The following HS2ST1 variants were observed in gnomAD, a reference collection of about 807,000 sequenced individuals.
The protein encoded by HS2ST1 is 2-O-sulfotransferase.
In HS2ST1, 18 loss-of-function variants were observed where a neutral mutation model predicts 42.9. The observed-to-expected ratio is 0.42, with a 90% CI of 0.29 to 0.62. The LOEUF (loss-of-function observed/expected upper bound fraction) is 0.62. Among genes scored for constraint, HS2ST1 ranks in the 20% least tolerant of loss-of-function variants. The pLI is 0.21. For missense variants in HS2ST1, 334 were observed against 433.8 expected, an observed-to-expected ratio of 0.77 and a Z score of 2.04; for synonymous variants, 146 against 152.9, an observed-to-expected ratio of 0.95 and a Z score of 0.33.
intron 5 of HS2ST1, among the ~76,000 whole-genome samples, chr1:87,103,163 A>G (rs182367689): frequency 6.6e-6 from 1 of 152,358 alleles, no homozygotes. Flanking sequence ...ATATCCATAT[A>G]CATTTTTAAA....
chr1:86,935,692 G>A (rs552469209), intron 1 of HS2ST1, among the ~76,000 whole-genome samples: 52 of 151,962 alleles, frequency 3.4e-4, no homozygotes, highest in African/African-American at 1.2e-3. Flanking sequence ...TCAAACTCCT[G>A]GCCTCAAGTG....
At chr1:87,061,711 T>C (rs1651126144) in intron 1 of HS2ST1, among the ~76,000 whole-genome samples, 1 of 152,124 alleles carries the variant, frequency 6.6e-6, no homozygotes, top group Non-Finnish European at 1.5e-5. Flanking sequence ...CATTTATAAG[T>C]ATTTGAGTAC....
rs1266701410 is a variant in HS2ST1, at chr1:87,015,559, T to C, written c.125-57375T>C. Among the ~76,000 whole-genome samples, 3 of 151,926 alleles carry C rather than the reference T, an allele frequency of 2.0e-5. 1 individual carries two copies. Among genetic ancestry groups the C allele is most frequent in the Admixed American group, 6.6e-5 (1 of 15,246 alleles). On this transcript the variant is annotated intron_variant, in intron 1 of 6. Transcript: ENST00000370550. ...CAGGGTTTCACCGTGTTAGCCAAGA[T>C]CGTCTTGATTTCCTGACCTCGTGAT... is the stretch of plus-strand genomic sequence containing the variant.
intron 1 of HS2ST1, among the ~76,000 whole-genome samples, chr1:87,019,680 C>T (rs1334563415): frequency 1.3e-5 from 2 of 152,126 alleles, no homozygotes; most frequent in African/African-American, 4.8e-5. Context: ...TTTATGATTT[C>T]CATCTGTTCA....
chr1:87,093,182 A>AT (rs886934293), intron 4 of HS2ST1, among the ~76,000 whole-genome samples: 2 of 152,004 alleles, frequency 1.3e-5, no homozygotes, highest in African/African-American at 4.8e-5. Context: ...AATCAAACTG[A>AT]TTTGTCACTT....
chr1:87,056,183 T>C (rs1296637164), intron 1 of HS2ST1, among the ~76,000 whole-genome samples: 8 of 152,176 alleles, frequency 5.3e-5, no homozygotes, highest in Non-Finnish European at 1.2e-4. Context: ...AGGACTACAT[T>C]AGTTACAATG....
chr1:86,944,187 T>C (rs181719281), intron 1 of HS2ST1, among the ~76,000 whole-genome samples: 1 of 152,230 alleles, frequency 6.6e-6, no homozygotes, highest in East Asian at 1.9e-4. Context: ...GTGGAAGTTG[T>C]CCAGGAGAAT....
At chr1:87,047,841 G>T (rs914924990) in intron 1 of HS2ST1, among the ~76,000 whole-genome samples, 1 of 152,098 alleles carries the variant, frequency 6.6e-6, no homozygotes, top group Non-Finnish European at 1.5e-5. Flanking sequence ...ATACTGTCTG[G>T]ATTACTGTAA....
chr1:87,084,446 C>G (rs1240846351), intron 3 of HS2ST1, among the ~76,000 whole-genome samples, 167 bp downstream of exon 3: 1 of 152,090 alleles, frequency 6.6e-6, no homozygotes, highest in African/African-American at 2.4e-5. Flanking sequence ...TTTTACTGCC[C>G]TCTAGTGTTC....
intron 1 of HS2ST1, among the ~76,000 whole-genome samples, chr1:87,057,404 T>C (rs1650997086): frequency 6.6e-6 from 1 of 152,122 alleles, no homozygotes; most frequent in African/African-American, 2.4e-5. Context: ...TGCCCACTTT[T>C]CTGCCTTATG....
chr1:86,967,180 G>A (rs1395417411), intron 1 of HS2ST1, among the ~76,000 whole-genome samples: 1 of 152,146 alleles, frequency 6.6e-6, no homozygotes, highest in Non-Finnish European at 1.5e-5. Context: ...TGGGATTACA[G>A]CCACCATGCC....
At chr1:87,030,201 T>TA (rs564878479) in intron 1 of HS2ST1, among the ~76,000 whole-genome samples, 180 of 152,338 alleles carry the variant, frequency 1.2e-3, no homozygotes, top group African/African-American at 4.3e-3. Flanking sequence ...GAGAAAAAGA[T>TA]ATACAAGTTC....
At chr1:86,989,066 G>A (rs567497482) in intron 1 of HS2ST1, among the ~76,000 whole-genome samples, 37 of 152,236 alleles carry the variant, frequency 2.4e-4, no homozygotes, top group Admixed American at 1.0e-3. Context: ...TTTCTGGTGC[G>A]GAGGCAGACA....
intron 1 of HS2ST1, among the ~76,000 whole-genome samples, chr1:87,070,960 T>A (rs1273426977): frequency 6.6e-6 from 1 of 152,316 alleles, no homozygotes; most frequent in East Asian, 1.9e-4. Context: ...CCCAATTATC[T>A]TATATCTCCT....
chr1:87,061,312 T>G (rs1380507330), intron 1 of HS2ST1, among the ~76,000 whole-genome samples: 1 of 152,106 alleles, frequency 6.6e-6, no homozygotes, highest in African/African-American at 2.4e-5. Flanking sequence ...TTTGGAACAT[T>G]CACAATATTG....
chr1:86,953,292 T>G (rs1044192904), intron 1 of HS2ST1, among the ~76,000 whole-genome samples: 9 of 152,254 alleles, frequency 5.9e-5, no homozygotes, highest in Non-Finnish European at 1.3e-4. Flanking sequence ...CAAGGTCACT[T>G]AAACTTTCTC....
At chr1:87,067,316 T>C (rs1441217610) in intron 1 of HS2ST1, among the ~76,000 whole-genome samples, 1 of 152,276 alleles carries the variant, frequency 6.6e-6, no homozygotes, top group Non-Finnish European at 1.5e-5. Context: ...ATTTCTCTAA[T>C]TACCAGTGAT....
At chr1:87,063,397 C>T (rs1055044770) in intron 1 of HS2ST1, among the ~76,000 whole-genome samples, 3 of 152,110 alleles carry the variant, frequency 2.0e-5, no homozygotes, top group African/African-American at 4.8e-5. Context: ...AGTGCAATGG[C>T]GTGACTTCCG....
chr1:86,979,660 A>G (rs958632287), intron 1 of HS2ST1, among the ~76,000 whole-genome samples: 2 of 152,224 alleles, frequency 1.3e-5, no homozygotes, highest in African/African-American at 2.4e-5. Context: ...TAGTGCTGCC[A>G]TGAACCTGGG....
Sources: gnomAD v4.1 joint callset for allele counts (sites outside exome capture counted in the v4.1 genomes callset) on GRCh38, gnomAD v4.1.1 for gene constraint, MANE v1.5 for transcripts, NCBI Gene and HGNC (gene_info 2026-07-23, HGNC 2026-07-21) for gene names.